KDM3A: variants seen among roughly 807,000 people sequenced by gnomAD.
KDM3A encodes lysine-specific demethylase 3A.
A neutral mutation model predicts 158.0 loss-of-function variants in KDM3A; 60 were observed. The observed-to-expected ratio is 0.38, with a 90% CI of 0.31 to 0.47. The LOEUF (loss-of-function observed/expected upper bound fraction) is 0.47, where lower values mean the gene tolerates loss of function less well. Ranked by LOEUF, KDM3A falls within the 20% of genes least tolerant of loss-of-function variation. The probability of loss-of-function intolerance (pLI) is 0.99; values close to 1 mark genes in which losing one functional copy is unlikely to be tolerated. For synonymous variants in KDM3A, 608 were observed against 549.3 expected (o/e 1.11, Z -1.49); for missense variants, 1,319 against 1,574.3 (o/e 0.84, Z 2.74).
chr2:86,492,566 T>C lies in KDM3A; in HGVS notation c.*447T>C, dbSNP rs1674508239. 6.4e-6 allele frequency: 1 copy of C among 156,450 alleles called. No individual in the cohort carries two copies. Among genetic ancestry groups the C allele is most frequent in the South Asian group, 2.0e-4 (1 of 4,956 alleles). 9.7% of individuals were successfully genotyped at this position (156,450 alleles called of 1,614,324 possible). A position where few individuals can be genotyped will look rare whatever the true frequency, so the allele number is the denominator to read the frequency against. On this transcript the variant is annotated 3_prime_UTR_variant, in exon 26 of 26. Transcript: ENST00000312912. The stretch of plus-strand genomic sequence containing the variant: ...TGACAGCTAATGTTGCAGTTCTTAT[T>C]GTATGGCATAGGACTGGCATTATAT...
chr2:86,479,953 T>C, intron 15 of KDM3A: 1 of 573,838 alleles, frequency 1.7e-6, no homozygotes, highest in Non-Finnish European at 3.1e-6. Flanking sequence ...GGTAATACCT[T>C]GCTGTGTTTA....
At chr2:86,450,111 C>G (rs1325720640) in intron 3 of KDM3A, 149 bp downstream of exon 3, 1 of 789,672 alleles carries the variant, frequency 1.3e-6, no homozygotes, top group Admixed American at 2.9e-5. Flanking sequence ...CACTTCTGAG[C>G]GAGTCCCTTG....
In KDM3A at chr2:86,451,173, A is replaced by G. The variant is rs779252326; in HGVS notation, c.413A>G (p.Gln138Arg). Residue 138 changes from glutamine to arginine, a missense_variant, in exon 4 of 26, where the codon CAA becomes CGA. Coordinates refer to ENST00000312912, the MANE Select transcript of KDM3A (RefSeq NM_018433.6). ...ITSVRFLGDQ[Q>R]RVFLSKDLLK... ...TCTGTTCGCTTTCTGGGAGATCAAC[A>G]AAGAGTATTTCTTTCTAAAGACCTT... 2 of 1,611,944 alleles carry G rather than the reference A, an allele frequency of 1.2e-6. No homozygotes were observed. Among genetic ancestry groups the G allele is most frequent in the East Asian group, 4.5e-5 (2 of 44,812 alleles).
At chr2:86,443,230 C>G (rs1273322612) in intron 2 of KDM3A, 2 of 152,200 alleles carry the variant, frequency 1.3e-5, no homozygotes, top group Non-Finnish European at 2.9e-5. Flanking sequence ...TTCACTTGGC[C>G]ATCATCTTTG....
chr2:86,472,158 T>G (rs909812326), intron 11 of KDM3A, among the ~76,000 whole-genome samples: 5 of 72,450 alleles, frequency 6.9e-5, no homozygotes, highest in African/African-American at 3.8e-4. Flanking sequence ...GTAATATGAT[T>G]AGAGCTTTTT....
chr2:86,459,845 A>T (rs1037569924), intron 8 of KDM3A, among the ~76,000 whole-genome samples: 1 of 152,112 alleles, frequency 6.6e-6, no homozygotes, highest in Non-Finnish European at 1.5e-5. Context: ...AGAAGCTATT[A>T]AAAAAATAAG....
rs116174531 is a variant in KDM3A at position 86,479,983 on chromosome 2, A to G, written c.2317-184A>G. On this transcript the variant is annotated intron_variant, in intron 15 of 25. Coordinates refer to ENST00000312912, the MANE Select transcript of KDM3A (RefSeq NM_018433.6). ...TGTTTAAGTTGCTGACATCTCTCCT[A>G]CCTTTTAGTTATTCTCTACTAGTGC... 2.1e-3 allele frequency: 1,263 copies of G among 599,708 alleles called. 10 individuals are homozygous for G. The highest frequency in any genetic ancestry group is 0.018 in the African/African-American group (978 of 53,842). 37.1% of individuals were successfully genotyped at this position (599,708 alleles called of 1,614,324 possible). A position where few individuals can be genotyped will look rare whatever the true frequency, so the allele number is the denominator to read the frequency against.
intron 3 of KDM3A, 40 bp downstream of exon 3, chr2:86,450,002 G>T: frequency 6.4e-7 from 1 of 1,563,830 alleles, no homozygotes; most frequent in South Asian, 1.2e-5. Context: ...TGAGAAGAGG[G>T]CATTTTATCC....
chr2:86,468,771 C>T (rs1168004294), intron 10 of KDM3A, among the ~76,000 whole-genome samples: 4 of 151,956 alleles, frequency 2.6e-5, no homozygotes, highest in Non-Finnish European at 4.4e-5. Flanking sequence ...CCTTTTTTTC[C>T]GTTCAGATAG....
chr2:86,481,812 A>G (rs1048732875), intron 16 of KDM3A, 118 bp from the exon 17 acceptor site: 6 of 714,672 alleles, frequency 8.4e-6, no homozygotes, highest in Non-Finnish European at 1.4e-5. Flanking sequence ...TCCCTAAAGT[A>G]TTTTTTTTGT....
At chr2:86,451,744 G>A (rs992216092) in intron 4 of KDM3A, among the ~76,000 whole-genome samples, 3 of 152,176 alleles carry the variant, frequency 2.0e-5, no homozygotes, top group African/African-American at 7.2e-5. Flanking sequence ...TCAGCAGTTA[G>A]GTGTTAGACA....
chr2:86,441,993 G>A, intron 1 of KDM3A, 25 bp from the exon 2 acceptor site: 9 of 1,590,178 alleles, frequency 5.7e-6, no homozygotes, highest in South Asian at 4.4e-5. Flanking sequence ...CGCCCCCGTC[G>A]CATTTTGTTT....
At chr2:86,443,562 T>C (rs532869519) in intron 2 of KDM3A, 37 of 152,334 alleles carry the variant, frequency 2.4e-4, no homozygotes, top group African/African-American at 8.2e-4. Flanking sequence ...CCCCATTTTA[T>C]GGATGAAACT....
intron 2 of KDM3A, 138 bp downstream of exon 2, chr2:86,442,371 C>G (rs995832347): frequency 5.0e-6 from 4 of 799,500 alleles, no homozygotes; most frequent in African/African-American, 3.5e-5. Context: ...GAAGCTAGAT[C>G]TTGAAAGTCT....
intron 9 of KDM3A, 64 bp downstream of exon 9, chr2:86,464,280 A>G (rs1406425545): frequency 1.7e-6 from 2 of 1,189,388 alleles, no homozygotes; most frequent in African/African-American, 3.1e-5. Flanking sequence ...GTCATGGCTC[A>G]TTGTTTTTAT....
chr2:86,473,512 A>G (rs1243216648), intron 11 of KDM3A, among the ~76,000 whole-genome samples: 3 of 152,138 alleles, frequency 2.0e-5, no homozygotes, highest in Admixed American at 6.5e-5. Flanking sequence ...CAGGAGACCA[A>G]GGTGGGAGGA....
Position 86,466,558 on chromosome 2 carries a change from T to G in KDM3A, c.1194T>G (p.Asp398Glu). The G allele has an allele frequency of 6.2e-7, 1 of 1,613,924 alleles. No individual in the cohort carries two copies. The highest frequency in any genetic ancestry group is 1.7e-4 in the Middle Eastern group (1 of 6,058). Residue 398 changes from aspartate (D) to glutamate (E), a missense_variant, in exon 10 of 26, where the codon GAT becomes GAG. Asp to Glu is a conservative substitution (Grantham distance 45). Transcript: ENST00000312912. ...GSCTQPKTNT[D>E]QENRLESVPQ... ...GTACTCAGCCTAAGACAAACACTGA[T>G]CAGGAAAACAGATTGGAGTCTGTTC...
At chr2:86,448,475 G>T (rs1197962065) in intron 2 of KDM3A, among the ~76,000 whole-genome samples, 4 of 152,196 alleles carry the variant, frequency 2.6e-5, no homozygotes, top group Non-Finnish European at 5.9e-5. Flanking sequence ...TGACCTATTA[G>T]AATTTAATTG....
intron 9 of KDM3A, among the ~76,000 whole-genome samples, chr2:86,464,689 G>A (rs1418842103): frequency 6.6e-6 from 1 of 152,208 alleles, no homozygotes; most frequent in Non-Finnish European, 1.5e-5. Flanking sequence ...GGTGGTAACT[G>A]TTACTAACTT....
Sources: allele counts gnomAD v4.1 joint callset (sites outside exome capture counted in the v4.1 genomes callset), GRCh38; gene constraint gnomAD v4.1.1; transcripts MANE v1.5; gene names NCBI Gene and HGNC (gene_info 2026-07-23, HGNC 2026-07-21).